Variants in HPCAL1 observed in about 807,000 individuals in gnomAD.
The protein encoded by HPCAL1 is hippocalcin-like protein 1.
In HPCAL1, 8 loss-of-function variants were observed where a neutral mutation model predicts 17.1. The observed-to-expected ratio is 0.47, with a 90% confidence interval of 0.27 to 0.84. HPCAL1 has a LOEUF of 0.84. Ranked by LOEUF, HPCAL1 falls within the 40% of genes least tolerant of loss-of-function variation. HPCAL1 has a pLI of 0.13. For synonymous variants in HPCAL1, 112 were observed against 111.4 expected, an observed-to-expected ratio of 1.01 and a Z score of -0.03; for missense variants, 165 against 271.1, an observed-to-expected ratio of 0.61 and a Z score of 2.75.
At chr2:10,399,016 C>T (rs1052894257) in intron 2 of HPCAL1, among the ~76,000 whole-genome samples, 4 of 151,910 alleles carry the variant, frequency 2.6e-5, no homozygotes, top group African/African-American at 9.7e-5. Flanking sequence ...ATGTCCTGGC[C>T]CGAGGCCACT....
At chr2:10,399,909 G>A (rs1324395253) in intron 2 of HPCAL1, among the ~76,000 whole-genome samples, 1 of 152,212 alleles carries the variant, frequency 6.6e-6, no homozygotes, top group African/African-American at 2.4e-5. Flanking sequence ...CAGGCTCTGG[G>A]CTTCTGATGG....
Position 10,323,028 on chromosome 2 carries a change from G to A in HPCAL1, c.-111+19851G>A, listed in dbSNP as rs987135991. On this transcript the variant is annotated intron_variant, in intron 1 of 4. Transcript: ENST00000307845. This position sits in a 1 kb window ranked among gnomAD's most constrained non-coding sequence, Gnocchi z 4.6. ...CCTTCTGCTTTCCTGTCCCTCCATC[G>A]TGTTAAGCTGGTCTCTCAGGTGGGC... 7.9e-5 allele frequency among the ~76,000 whole-genome samples: 12 copies of A among 152,046 alleles called. No individual in the cohort carries two copies. Among genetic ancestry groups the A allele is most frequent in the Admixed American group, 7.9e-4 (12 of 15,280 alleles).
chr2:10,357,605 A>G (rs915643665), intron 1 of HPCAL1, among the ~76,000 whole-genome samples: 11 of 152,054 alleles, frequency 7.2e-5, no homozygotes, highest in African/African-American at 2.4e-4. Flanking sequence ...TCTTTATTAG[A>G]TCCCTCCAAA....
rs909819343 is a variant in HPCAL1 at position 10,362,015 on chromosome 2, G to A, written c.-110-34820G>A. Reference sequence around the variant, plus strand: ...GAGCTGCCATGTGTGGCTGACATTAGCTAATTTAATTCTTACAATAATCTT... The same window carrying A: ...GAGCTGCCATGTGTGGCTGACATTAACTAATTTAATTCTTACAATAATCTT... On this transcript the variant is annotated intron_variant, in intron 1 of 4. Transcript: ENST00000307845. The surrounding 1 kb of genome is among the most constrained non-coding windows in gnomAD (Gnocchi z 5.0). Among the ~76,000 whole-genome samples, 5 of 152,156 alleles carry A rather than the reference G, an allele frequency of 3.3e-5. No individual in the cohort carries two copies. The highest frequency in any genetic ancestry group is 1.2e-4 in the African/African-American group (5 of 41,426).
At position 10,355,014 on chromosome 2, in the gene HPCAL1, G is replaced by A. The variant is rs557994913; in HGVS notation, c.-110-41821G>A. 2.6e-5 allele frequency among the ~76,000 whole-genome samples: 4 copies of A among 152,370 alleles called. No individual in the cohort carries two copies. In the East Asian group the frequency reaches 7.7e-4, roughly 29 times the overall value. On this transcript the variant is annotated intron_variant, in intron 1 of 4. Coordinates refer to ENST00000307845, the MANE Select transcript of HPCAL1 (RefSeq NM_002149.4). The stretch of plus-strand genomic sequence containing the variant: ...ATGGCCTGTGCCCAGGCAGGTAACA[G>A]ACTAGCAGAAGGACAGGAAGCAAAG...
At position 10,427,160 on chromosome 2, in the gene HPCAL1, C is replaced by T. The variant is rs1050705512; in HGVS notation, c.*339C>T. 10 of 267,606 alleles carry T rather than the reference C, an allele frequency of 3.7e-5. No homozygotes were observed. The highest frequency in any genetic ancestry group is 2.9e-4 in the East Asian group (3 of 10,504). 16.6% of individuals were successfully genotyped at this position (267,606 alleles called of 1,614,324 possible). ...GGCAGGACCTCCCGAGGCTGCGCCC[C>T]GGCCGGCCCATGCGTTTTGTGATCC... On this transcript the variant is annotated 3_prime_UTR_variant, in exon 5 of 5. Transcript: ENST00000307845.
chr2:10,359,525 C>T lies in HPCAL1; in HGVS notation c.-110-37310C>T, dbSNP rs867268670. ...AGTTGGCCCAGAGGGAACATTTCTC[C>T]CACCCTCTGTCCCTCGGGGACCCCA... On this transcript the variant is annotated intron_variant, in intron 1 of 4. Transcript: ENST00000307845. The surrounding 1 kb of genome is among the most constrained non-coding windows in gnomAD (Gnocchi z 4.1). Among the ~76,000 whole-genome samples the T allele has an allele frequency of 1.8e-4, 27 of 152,210 alleles. No individual in the cohort carries two copies. The highest frequency in any genetic ancestry group is 4.6e-4 in the Admixed American group (7 of 15,288).
At chr2:10,392,371 A>G (rs1342937305) in intron 1 of HPCAL1, among the ~76,000 whole-genome samples, 1 of 152,176 alleles carries the variant, frequency 6.6e-6, no homozygotes, top group East Asian at 1.9e-4. Context: ...TATTTGTAGA[A>G]TTCAGTAGTG....
chr2:10,352,735 G>T (rs576069111), intron 1 of HPCAL1, among the ~76,000 whole-genome samples: 40 of 152,222 alleles, frequency 2.6e-4, no homozygotes, highest in Non-Finnish European at 4.3e-4. Flanking sequence ...GGAGCTGAGG[G>T]CCTGGTGCCC....
chr2:10,374,402 C>T (rs1667418108), intron 1 of HPCAL1, among the ~76,000 whole-genome samples: 1 of 151,928 alleles, frequency 6.6e-6, no homozygotes, highest in Non-Finnish European at 1.5e-5. Flanking sequence ...GCAGTATTGG[C>T]ACCTGCGTTA....
At position 10,359,104 on chromosome 2, in the gene HPCAL1, G is replaced by A. The variant is rs576199776; in HGVS notation, c.-110-37731G>A. Among the ~76,000 whole-genome samples, 3 of 149,382 alleles carry A rather than the reference G, an allele frequency of 2.0e-5. No individual in the cohort carries two copies. Among genetic ancestry groups the A allele is most frequent in the Non-Finnish European group, 3.0e-5 (2 of 67,460 alleles). On this transcript the variant is annotated intron_variant, in intron 1 of 4. Transcript: ENST00000307845. This position sits in a 1 kb window ranked among gnomAD's most constrained non-coding sequence, Gnocchi z 4.1. ...ATGCTCCCCTAGAGGTTTGAGCAGC[G>A]GGACACTGACGAAGCGAGCCATACC...
chr2:10,391,689 A>G (rs200250616), intron 1 of HPCAL1, among the ~76,000 whole-genome samples: 5 of 152,302 alleles, frequency 3.3e-5, no homozygotes, highest in South Asian at 4.1e-4. Flanking sequence ...GACATTTTAT[A>G]TAGATGGAAT....
rs73163017 is a variant in HPCAL1, at chr2:10,362,293, C to T, written c.-110-34542C>T. Among the ~76,000 whole-genome samples the T allele has an allele frequency of 1.4e-3, 215 of 151,960 alleles. 2 individuals are homozygous for T. Among genetic ancestry groups the T allele is most frequent in the African/African-American group, 4.7e-3 (194 of 41,416 alleles). ...GTGTCGAGAATGAGCTGTTGGCACT[C>T]AGTCCTGGAGTGGCAGCATGGGGGG... On this transcript the variant is annotated intron_variant, in intron 1 of 4. Coordinates refer to ENST00000307845, the MANE Select transcript of HPCAL1 (RefSeq NM_002149.4). This position sits in a 1 kb window ranked among gnomAD's most constrained non-coding sequence, Gnocchi z 5.0.
chr2:10,323,115 C>T lies in HPCAL1; in HGVS notation c.-111+19938C>T, dbSNP rs1308420773. ...CACCATGACTGTGCTGCAGCCACCA[C>T]CACTGGCCGCTTCATGGCATGTTTC... On this transcript the variant is annotated intron_variant, in intron 1 of 4. Transcript: ENST00000307845. The surrounding 1 kb of genome is among the most constrained non-coding windows in gnomAD (Gnocchi z 4.6). Among the ~76,000 whole-genome samples, 1 of 152,192 alleles carries T rather than the reference C, an allele frequency of 6.6e-6. No individual in the cohort carries two copies. Among genetic ancestry groups the T allele is most frequent in the Non-Finnish European group, 1.5e-5 (1 of 68,038 alleles).
intron 2 of HPCAL1, among the ~76,000 whole-genome samples, chr2:10,418,446 C>CAAAAAAAAAAAAAAAA (rs58884767): frequency 1.7e-5 from 1 of 60,166 alleles, no homozygotes; most frequent in Non-Finnish European, 3.0e-5. Flanking sequence ...GACTCCATCT[C>CAAAAAAAAAAAAAAAA]AAAAAAAAAA....
intron 1 of HPCAL1, among the ~76,000 whole-genome samples, chr2:10,325,409 C>T (rs974680491): frequency 6.6e-6 from 1 of 152,228 alleles, no homozygotes; most frequent in Non-Finnish European, 1.5e-5. Context: ...CACCGGGACT[C>T]AGAGGGTGAT....
rs547243427 is a variant in HPCAL1, at chr2:10,358,317, T to G, written c.-110-38518T>G. ...CGTTAATAGAATCGGAGTCTCACTA[T>G]GTTGTCCAGACTGGTCCTGAACTCC... On this transcript the variant is annotated intron_variant, in intron 1 of 4. Transcript: ENST00000307845. Among the ~76,000 whole-genome samples the G allele has an allele frequency of 3.5e-3, 533 of 152,354 alleles. 2 individuals are homozygous for G. The highest frequency in any genetic ancestry group is 0.011 in the African/African-American group (456 of 41,584).
intron 1 of HPCAL1, among the ~76,000 whole-genome samples, chr2:10,351,346 G>C (rs555463560): frequency 4.6e-5 from 7 of 152,336 alleles, no homozygotes; most frequent in African/African-American, 1.4e-4. Context: ...GAAATGTCCA[G>C]AATAGGCAAA....
chr2:10,371,308 G>A (rs1472415439), intron 1 of HPCAL1, among the ~76,000 whole-genome samples: 1 of 151,952 alleles, frequency 6.6e-6, no homozygotes, highest in Non-Finnish European at 1.5e-5. Context: ...AGCCAGGCTT[G>A]TGTCCACACC....
Sources: allele counts gnomAD v4.1 joint callset (sites outside exome capture counted in the v4.1 genomes callset), GRCh38; gene constraint gnomAD v4.1.1; non-coding constraint Gnocchi (gnomAD v3.1); transcripts MANE v1.5; gene names NCBI Gene and HGNC (gene_info 2026-07-23, HGNC 2026-07-21).